The following SH3BGR variants were observed in gnomAD, a reference collection of about 807,000 sequenced individuals.
SH3BGR encodes SH3 domain-binding glutamic acid-rich protein.
In SH3BGR, 29 loss-of-function variants were observed where a neutral mutation model predicts 24.5. The observed-to-expected ratio is 1.18, with a 90% confidence interval of 0.88 to 1.61. The LOEUF is 1.61. Among genes scored for constraint, SH3BGR ranks in the 40% most tolerant of loss-of-function variants. The probability of loss-of-function intolerance (pLI) is 0.00; values close to 1 mark genes in which losing one functional copy is unlikely to be tolerated. For missense variants in SH3BGR, 162 were observed against 205.8 expected (o/e 0.79, Z 1.30); for synonymous variants, 55 against 65.7 (o/e 0.84, Z 0.79).
chr21:39,476,235 C>T (rs1465572834), intron 3 of SH3BGR, among the ~76,000 whole-genome samples: 1 of 152,042 alleles, frequency 6.6e-6, no homozygotes, highest in Non-Finnish European at 1.5e-5. Context: ...GTCATGGAAG[C>T]CCAGGAGGAG....
intron 3 of SH3BGR, among the ~76,000 whole-genome samples, chr21:39,493,205 A>G (rs572230230): frequency 7.2e-5 from 11 of 152,284 alleles, no homozygotes; most frequent in Non-Finnish European, 1.0e-4. Context: ...GTCAATGTCT[A>G]CAAGGGTTTT....
chr21:39,465,500 A>G (rs562706233), intron 2 of SH3BGR, among the ~76,000 whole-genome samples: 2 of 152,344 alleles, frequency 1.3e-5, no homozygotes, highest in South Asian at 2.1e-4. Flanking sequence ...ACTGAATGTC[A>G]TTTAAAAAAT....
At chr21:39,450,290 T>G (rs1211285241), upstream of SH3BGR, among the ~76,000 whole-genome samples, 1 of 152,226 alleles carries the variant, frequency 6.6e-6, no homozygotes, top group Non-Finnish European at 1.5e-5. Flanking sequence ...TTAATCATCT[T>G]CATCAAGGAC....
intron 3 of SH3BGR, among the ~76,000 whole-genome samples, chr21:39,489,190 G>C (rs1388825796): frequency 6.6e-6 from 1 of 152,216 alleles, no homozygotes; most frequent in Non-Finnish European, 1.5e-5. Context: ...AGATGGAAGA[G>C]GGCTAATCAT....
chr21:39,472,094 C>T (rs553981229), intron 2 of SH3BGR, among the ~76,000 whole-genome samples: 20 of 152,172 alleles, frequency 1.3e-4, no homozygotes, highest in South Asian at 2.1e-4. Flanking sequence ...TATATTGTAA[C>T]TTTTGGCTTC....
intron 1 of SH3BGR, among the ~76,000 whole-genome samples, chr21:39,456,714 T>C (rs1357452213): frequency 6.6e-6 from 1 of 152,222 alleles, no homozygotes; most frequent in African/African-American, 2.4e-5. Context: ...GGCCTGATCC[T>C]GGGGAATTAC....
At chr21:39,485,654 T>C (rs1387340253) in intron 3 of SH3BGR, among the ~76,000 whole-genome samples, 4 of 151,786 alleles carry the variant, frequency 2.6e-5, no homozygotes, top group Admixed American at 1.3e-4. Context: ...AAAATTTGAC[T>C]AAGTCCACGG....
Position 39,462,436 on chromosome 21 carries a change from A to G in SH3BGR, c.107A>G (p.Glu36Gly). 6.2e-7 allele frequency: 1 copy of G among 1,611,492 alleles called. No individual in the cohort carries two copies. Among genetic ancestry groups the G allele is most frequent in the Non-Finnish European group, 8.5e-7 (1 of 1,179,456 alleles). ...FLEANKIDFK[E>G]LDIAGDEDNR... ...GAAGCGAATAAAATCGACTTTAAGG[A>G]ATTAGATATTGCTGGAGATGAAGAC... Residue 36 changes from glutamate (E) to glycine (G), a missense_variant, in exon 2 of 7, where the codon GAA becomes GGA. Physicochemically the swap from Glu to Gly is moderately conservative, Grantham distance 98 (BLOSUM62 -2). Transcript: ENST00000333634.
At chr21:39,468,697 C>A (rs189200950) in intron 2 of SH3BGR, among the ~76,000 whole-genome samples, 14 of 152,310 alleles carry the variant, frequency 9.2e-5, no homozygotes, top group South Asian at 8.3e-4. Context: ...CCTTGACCCC[C>A]CAACGTGCTG....
At chr21:39,451,798 C>A, upstream of SH3BGR, 1 of 1,206,998 alleles carries the variant, frequency 8.3e-7, no homozygotes, top group South Asian at 1.3e-5. Context: ...ACTGTTGTCG[C>A]GCGTTTAAAG....
intron 1 of SH3BGR, among the ~76,000 whole-genome samples, chr21:39,454,865 C>T (rs1471164908): frequency 1.3e-5 from 2 of 152,330 alleles, no homozygotes; most frequent in South Asian, 2.1e-4. Context: ...TATGTGGTGC[C>T]TGACAGTGCA....
chr21:39,511,913 G>T lies in SH3BGR; in HGVS notation c.*34+104G>T. 1 of 1,091,398 alleles carries T rather than the reference G, an allele frequency of 9.2e-7. No homozygotes were observed. Among genetic ancestry groups the T allele is most frequent in the East Asian group, 2.7e-5 (1 of 36,606 alleles). The allele number at this position is 1,091,398 out of a possible 1,614,324, so 67.6% of individuals were successfully genotyped here. On this transcript the variant is annotated intron_variant, in intron 6 of 6. Transcript: ENST00000333634. This position sits in a 1 kb window ranked among gnomAD's most constrained non-coding sequence, Gnocchi z 4.2. Reference sequence around the variant, plus strand: ...AGGAGAAAGGGAATTCCAATTCAGGGCTGTCTGTCTCCTTCCAAAGCCCTG... The same window carrying T: ...AGGAGAAAGGGAATTCCAATTCAGGTCTGTCTGTCTCCTTCCAAAGCCCTG...
intron 2 of SH3BGR, among the ~76,000 whole-genome samples, chr21:39,462,933 G>T (rs931300348): frequency 7.2e-5 from 11 of 152,212 alleles, no homozygotes; most frequent in African/African-American, 2.7e-4. Flanking sequence ...ACCCAGGCTG[G>T]AGTGTAGTGG....
intron 1 of SH3BGR, among the ~76,000 whole-genome samples, chr21:39,456,964 AC>A (rs975540750): frequency 2.6e-5 from 4 of 151,288 alleles, no homozygotes; most frequent in African/African-American, 9.7e-5. Flanking sequence ...ATGCGTGATT[AC>A]CATTTATATA....
chr21:39,514,119 C>T (rs2123584478), intron 6 of SH3BGR, among the ~76,000 whole-genome samples: 1 of 152,210 alleles, frequency 6.6e-6, no homozygotes, highest in Middle Eastern at 3.4e-3. Context: ...CAGGCAGCAC[C>T]CTAAATCCCA....
At chr21:39,496,369 G>A (rs1217670434) in intron 3 of SH3BGR, among the ~76,000 whole-genome samples, 10 of 151,854 alleles carry the variant, frequency 6.6e-5, no homozygotes, top group African/African-American at 1.4e-4. Context: ...GTGCGGTGGC[G>A]GGCACCTGTA....
At chr21:39,510,002 G>A (rs2078649737) in intron 5 of SH3BGR, among the ~76,000 whole-genome samples, 2 of 127,326 alleles carry the variant, frequency 1.6e-5, no homozygotes, top group Admixed American at 1.5e-4. Context: ...GATTGCAGTG[G>A]CGCAATCTCG....
intron 3 of SH3BGR, among the ~76,000 whole-genome samples, chr21:39,492,466 G>GTGTGTA (rs1404293146): frequency 5.8e-4 from 81 of 139,774 alleles, no homozygotes; most frequent in African/African-American, 2.2e-3. Flanking sequence ...GTGTGTGTGT[G>GTGTGTA]TATATATATA....
intron 2 of SH3BGR, among the ~76,000 whole-genome samples, chr21:39,473,654 G>T (rs2077978077): frequency 6.6e-6 from 1 of 152,134 alleles, no homozygotes; most frequent in Admixed American, 6.5e-5. Context: ...GGAGGCTGAG[G>T]TGGGTGGATC....
Sources: gnomAD v4.1 joint callset for allele counts (sites outside exome capture counted in the v4.1 genomes callset) on GRCh38, gnomAD v4.1.1 for gene constraint, Gnocchi (gnomAD v3.1) non-coding constraint, MANE v1.5 for transcripts, NCBI Gene and HGNC (gene_info 2026-07-23, HGNC 2026-07-21) for gene names.